The following TMED3 variants were observed in gnomAD, a reference collection of about 807,000 sequenced individuals.
TMED3 encodes transmembrane p24 trafficking protein 3, also known as transmembrane emp24 domain-containing protein 3.
In TMED3, 9 loss-of-function variants were observed where a neutral mutation model predicts 15.0. The ratio of observed to expected loss-of-function variants is 0.60; its 90% CI spans 0.36 to 1.04. TMED3 has a LOEUF of 1.04. TMED3 is among the 50% of genes least tolerant of loss of function. TMED3 has a pLI of 0.01. For synonymous variants in TMED3, 117 were observed against 121.4 expected, an observed-to-expected ratio of 0.96 and a Z score of 0.24; for missense variants, 267 against 278.9, an observed-to-expected ratio of 0.96 and a Z score of 0.30.
intron 2 of TMED3, among the ~76,000 whole-genome samples, chr15:79,347,535 A>G (rs1409729247): frequency 6.6e-6 from 1 of 152,214 alleles, no homozygotes; most frequent in Non-Finnish European, 1.5e-5. Flanking sequence ...CGGCCAGGGC[A>G]ATCAGGCAAG....
chr15:79,406,491 TATC>T (rs1364759294), intron 2 of TMED3, among the ~76,000 whole-genome samples: 1 of 152,180 alleles, frequency 6.6e-6, no homozygotes, highest in Non-Finnish European at 1.5e-5. Flanking sequence ...CTGGGTCCCT[TATC>T]ATCAGTTTTA....
rs187177726 is a variant in TMED3 at position 79,343,398 on chromosome 15, G to A, written c.417+29393G>A. Among the ~76,000 whole-genome samples the A allele has an allele frequency of 1.7e-3, 263 of 152,314 alleles. 1 individual carries two copies. The highest frequency in any genetic ancestry group is 3.0e-3 in the Non-Finnish European group (202 of 68,028). ...CGTAGATGGAATCATGCAACATGTG[G>A]CCTGTTGAGATCATCTGTCTTCGCT... On this transcript the variant is annotated intron_variant, in intron 2 of 2. Transcript: ENST00000424155.
intron 2 of TMED3, among the ~76,000 whole-genome samples, chr15:79,369,559 A>C (rs1954604993): frequency 6.6e-6 from 1 of 152,220 alleles, no homozygotes; most frequent in African/African-American, 2.4e-5. Flanking sequence ...CGCTCTTGTT[A>C]ATTGGACTCT....
chr15:79,340,459 G>T (rs2058847511), intron 2 of TMED3, among the ~76,000 whole-genome samples: 1 of 152,242 alleles, frequency 6.6e-6, no homozygotes, highest in Non-Finnish European at 1.5e-5. Context: ...CCCTGAGCCA[G>T]AATCACCCCG....
chr15:79,368,125 CAT>C (rs1018671730), intron 2 of TMED3, among the ~76,000 whole-genome samples: 5 of 152,256 alleles, frequency 3.3e-5, no homozygotes, highest in African/African-American at 9.6e-5. Flanking sequence ...GAGAACCAAA[CAT>C]GTGATTCTGG....
chr15:79,366,587 A>C (rs1893239868), intron 2 of TMED3, among the ~76,000 whole-genome samples: 1 of 152,244 alleles, frequency 6.6e-6, no homozygotes, highest in Non-Finnish European at 1.5e-5. Flanking sequence ...AAGGAACTAA[A>C]GATTTTCCTT....
At chr15:79,363,074 C>T (rs1458132895) in intron 2 of TMED3, among the ~76,000 whole-genome samples, 1 of 152,028 alleles carries the variant, frequency 6.6e-6, no homozygotes, top group African/African-American at 2.4e-5. Context: ...CACAGTAATT[C>T]ATTAGATGAG....
At chr15:79,373,400 T>G (rs900789460) in intron 2 of TMED3, among the ~76,000 whole-genome samples, 3 of 152,336 alleles carry the variant, frequency 2.0e-5, no homozygotes, top group African/African-American at 7.2e-5. Context: ...AAATATGGTT[T>G]AATGTGAGCA....
intron 2 of TMED3, among the ~76,000 whole-genome samples, chr15:79,375,687 C>T (rs1567035565): frequency 1.3e-5 from 2 of 152,056 alleles, no homozygotes; most frequent in South Asian, 4.1e-4. Context: ...CACTTACTAT[C>T]GTAAGGACAG....
intron 2 of TMED3, chr15:79,315,808 A>T (rs921297064): frequency 6.6e-6 from 1 of 152,124 alleles, no homozygotes; most frequent in Non-Finnish European, 1.5e-5. Flanking sequence ...GAATTCACTC[A>T]GTCTACACAT....
chr15:79,318,378 G>A lies in TMED3; in HGVS notation c.418-3600G>A, dbSNP rs76657636. Among the ~76,000 whole-genome samples the A allele has an allele frequency of 1.7e-3, 252 of 152,312 alleles. 1 individual carries two copies. Among genetic ancestry groups the A allele is most frequent in the African/African-American group, 5.7e-3 (238 of 41,560 alleles). ...AGCACAGTGCCTGGAAGGAAAGTAA[G>A]CATTGAGTAAATGTTTGAATGAAGG... is the stretch of plus-strand genomic sequence containing the variant. On this transcript the variant is annotated intron_variant, in intron 2 of 2. Coordinates refer to ENST00000299705, the MANE Select transcript of TMED3 (RefSeq NM_007364.4).
chr15:79,353,255 ATATATAT>A (rs1238653123), intron 2 of TMED3, among the ~76,000 whole-genome samples: 2 of 43,394 alleles, frequency 4.6e-5, no homozygotes, highest in Non-Finnish European at 7.6e-5. Flanking sequence ...ACTATATATA[ATATATAT>A]TATATATAAT....
chr15:79,373,323 T>G (rs2141246036), intron 2 of TMED3, among the ~76,000 whole-genome samples: 1 of 152,352 alleles, frequency 6.6e-6, no homozygotes, highest in African/African-American at 2.4e-5. Context: ...GCATCTTAAA[T>G]CTTTTTGGTT....
At chr15:79,327,132 A>G (rs1453763718), downstream of TMED3, among the ~76,000 whole-genome samples, 3 of 152,156 alleles carry the variant, frequency 2.0e-5, no homozygotes, top group Non-Finnish European at 4.4e-5. Flanking sequence ...CCATGGCCCA[A>G]ACACCTTCCA....
At chr15:79,318,881 C>T (rs2058752000) in intron 2 of TMED3, among the ~76,000 whole-genome samples, 4 of 152,218 alleles carry the variant, frequency 2.6e-5, no homozygotes, top group Admixed American at 2.6e-4. Flanking sequence ...TGGAAGTTCC[C>T]TTTGGAGTCA....
chr15:79,394,520 G>C (rs1014806442), intron 2 of TMED3, among the ~76,000 whole-genome samples: 1 of 152,182 alleles, frequency 6.6e-6, no homozygotes, highest in Admixed American at 6.5e-5. Flanking sequence ...GCAGTTCTTA[G>C]ATCCATAGGC....
chr15:79,382,849 C>A, intron 2 of TMED3: 1 of 977,258 alleles, frequency 1.0e-6, no homozygotes, highest in Non-Finnish European at 1.5e-6. Context: ...AGGGAAGCTT[C>A]TTTTATATTA....
At chr15:79,364,677 GAGAGA>G (rs1053384443) in intron 2 of TMED3, among the ~76,000 whole-genome samples, 10 of 151,384 alleles carry the variant, frequency 6.6e-5, no homozygotes, top group Admixed American at 5.9e-4. Context: ...AGCAGAGAAA[GAGAGA>G]AGAGGAGGAA....
At chr15:79,395,172 G>T (rs1224465285) in intron 2 of TMED3, among the ~76,000 whole-genome samples, 2 of 151,782 alleles carry the variant, frequency 1.3e-5, no homozygotes, top group Non-Finnish European at 2.9e-5. Flanking sequence ...GATGTCCCTG[G>T]TTTTTTTGTT....
Sources: allele counts gnomAD v4.1 joint callset (sites outside exome capture counted in the v4.1 genomes callset), GRCh38; gene constraint gnomAD v4.1.1; transcripts MANE v1.5; gene names NCBI Gene and HGNC (gene_info 2026-07-23, HGNC 2026-07-21).